The following BLTP1 variants were observed in gnomAD, a reference collection of about 807,000 sequenced individuals.
BLTP1 encodes the protein fragile site-associated protein.
At chr4:122,261,749 C>G in the BLTP1 span, 4 of 979,006 alleles carry the variant, frequency 4.1e-6, no homozygotes, top group South Asian at 9.5e-5. Context: ...GACAGAATAT[C>G]TTACCTTGGA....
chr4:122,232,194 A>G, the BLTP1 span: 3 of 830,824 alleles, frequency 3.6e-6, no homozygotes, highest in African/African-American at 3.7e-5. Context: ...TTAACAAGTT[A>G]GCTGTTACAA....
At chr4:122,325,209 T>C in the BLTP1 span, 1 of 1,577,934 alleles carries the variant, frequency 6.3e-7, no homozygotes, top group Non-Finnish European at 8.6e-7. Context: ...TGGTGTTTTA[T>C]AACTTTATAT....
chr4:122,309,553 T>C, the BLTP1 span: 1 of 1,279,356 alleles, frequency 7.8e-7, no homozygotes, highest in Non-Finnish European at 1.1e-6. Context: ...TGCTTAGATA[T>C]AGCAAATGTT....
the BLTP1 span, chr4:122,250,142 G>C: frequency 2.5e-6 from 1 of 401,436 alleles, no homozygotes; most frequent in Non-Finnish European, 3.4e-6. Context: ...CTTTTTTTAG[G>C]TTTAGTAATA....
chr4:122,219,719 T>C, the BLTP1 span: 1 of 575,758 alleles, frequency 1.7e-6, no homozygotes, highest in East Asian at 3.0e-5. Context: ...ATGTATTTTC[T>C]TCATAATATG....
chr4:122,271,006 TCAC>T, the BLTP1 span: 1 of 1,557,684 alleles, frequency 6.4e-7, no homozygotes, highest in Non-Finnish European at 8.7e-7. Flanking sequence ...TTTTTTTATT[TCAC>T]GTTTTTAGGC....
chr4:122,185,030 T>C, the BLTP1 span: 12 of 985,212 alleles, frequency 1.2e-5, no homozygotes, highest in African/African-American at 1.7e-5. Flanking sequence ...AAGAGAATGA[T>C]AGCAAAACGA....
chr4:122,333,759 C>G, the BLTP1 span: 8 of 1,611,538 alleles, frequency 5.0e-6, no homozygotes, highest in South Asian at 8.8e-5. Flanking sequence ...ACAGACAAAG[C>G]CTAGTGACTT....
the BLTP1 span, chr4:122,263,396 C>G: frequency 6.7e-7 from 1 of 1,490,054 alleles, no homozygotes; most frequent in Non-Finnish European, 8.9e-7. Context: ...TTTTTTTGCT[C>G]CTTAGTATAT....
the BLTP1 span, chr4:122,298,693 A>G: frequency 1.9e-6 from 1 of 529,574 alleles, no homozygotes; most frequent in Non-Finnish European, 2.4e-6. Flanking sequence ...AAAGATTTAA[A>G]TGAATTTTTG....
the BLTP1 span, chr4:122,299,257 C>A: frequency 2.3e-6 from 1 of 428,824 alleles, no homozygotes; most frequent in Non-Finnish European, 3.1e-6. Flanking sequence ...ACTCAGTAAG[C>A]ACTCAAATAT....
the BLTP1 span, among the ~76,000 whole-genome samples, chr4:122,340,206 A>G: frequency 2.0e-5 from 3 of 152,162 alleles, no homozygotes; most frequent in African/African-American, 7.2e-5. Context: ...GAGAAACCAG[A>G]GATGCTGCTA....
chr4:122,271,676 G>C, the BLTP1 span: 4 of 1,595,972 alleles, frequency 2.5e-6, no homozygotes, highest in East Asian at 9.0e-5. Context: ...ACTTATCTCC[G>C]ATCCAACAGG....
chr4:122,300,871 A>G, the BLTP1 span: 1 of 952,388 alleles, frequency 1.0e-6, no homozygotes, highest in Non-Finnish European at 1.2e-6. Flanking sequence ...CAGAAGTAAG[A>G]TATTAAGATA....
At chr4:122,255,573 G>A in the BLTP1 span, among the ~76,000 whole-genome samples, 1 of 152,122 alleles carries the variant, frequency 6.6e-6, no homozygotes, top group Non-Finnish European at 1.5e-5. Context: ...TTGAACCTGG[G>A]AGGCAGAGGC....
At chr4:122,230,584 C>T in the BLTP1 span, among the ~76,000 whole-genome samples, 1 of 152,156 alleles carries the variant, frequency 6.6e-6, no homozygotes, top group African/African-American at 2.4e-5. Context: ...AATCACAGTA[C>T]TACTATCGTC....
chr4:122,211,049 A>G, the BLTP1 span: 2 of 1,606,790 alleles, frequency 1.2e-6, no homozygotes, highest in Non-Finnish European at 1.7e-6. Flanking sequence ...CCAGATTCTC[A>G]GATAACTCTC....
At chr4:122,172,940 A>C in the BLTP1 span, 31 of 1,580,616 alleles carry the variant, frequency 2.0e-5, no homozygotes, top group Non-Finnish European at 2.6e-5. Flanking sequence ...AGTATAATCA[A>C]CCTCTGGTTT....
chr4:122,329,961 A>G, the BLTP1 span, among the ~76,000 whole-genome samples: 1 of 151,832 alleles, frequency 6.6e-6, no homozygotes, highest in Middle Eastern at 3.2e-3. Context: ...TACCTCATGT[A>G]AGTGGAATCA....
Sources: allele counts gnomAD v4.1 joint callset (sites outside exome capture counted in the v4.1 genomes callset), GRCh38; gene constraint gnomAD v4.1.1; transcripts MANE v1.5; gene names NCBI Gene and HGNC (gene_info 2026-07-23, HGNC 2026-07-21).